Variants in CAST observed in about 807,000 individuals in gnomAD.
The protein encoded by CAST is calpastatin.
A neutral mutation model predicts 119.6 loss-of-function variants in CAST; 76 were observed. The ratio of observed to expected loss-of-function variants is 0.64; its 90% CI spans 0.53 to 0.77. CAST has a LOEUF of 0.77. Among genes scored for constraint, CAST ranks in the 30% least tolerant of loss-of-function variants. CAST has a pLI of 0.00. For missense variants in CAST, 953 were observed against 946.5 expected, an observed-to-expected ratio of 1.01 and a Z score of -0.09; for synonymous variants, 319 against 331.6, an observed-to-expected ratio of 0.96 and a Z score of 0.41.
At chr5:96,470,331 G>A in the CAST span, among the ~76,000 whole-genome samples, 1 of 151,794 alleles carries the variant, frequency 6.6e-6, no homozygotes, top group Admixed American at 6.6e-5. Flanking sequence ...ATGGAATTAT[G>A]GCCAACAATA....
chr5:96,341,461 C>T, the CAST span, among the ~76,000 whole-genome samples: 1 of 151,798 alleles, frequency 6.6e-6, no homozygotes, highest in African/African-American at 2.4e-5. Flanking sequence ...AGGTCAAATT[C>T]GAAATAACAA....
the CAST span, among the ~76,000 whole-genome samples, chr5:96,502,656 C>CT: frequency 6.8e-6 from 1 of 146,344 alleles, no homozygotes; most frequent in Non-Finnish European, 1.5e-5. Flanking sequence ...TTCTTTCTTT[C>CT]TTTCTTTCTT....
chr5:96,283,949 C>T, the CAST span, among the ~76,000 whole-genome samples: 384 of 152,290 alleles, frequency 2.5e-3, no homozygotes, highest in African/African-American at 9.0e-3. Context: ...CCCTTCTCTT[C>T]ACCATGGGTT....
the CAST span, among the ~76,000 whole-genome samples, chr5:96,120,753 CAT>C: frequency 6.8e-6 from 1 of 147,508 alleles, no homozygotes; most frequent in Non-Finnish European, 1.5e-5. Flanking sequence ...AATATACATA[CAT>C]ATATATATAT....
At chr5:96,683,114 C>A (rs1053815444) in intron 2 of CAST, among the ~76,000 whole-genome samples, 1 of 152,172 alleles carries the variant, frequency 6.6e-6, no homozygotes, top group Non-Finnish European at 1.5e-5. Context: ...ATGAAGAGGA[C>A]TCCTACCAAA....
At chr5:96,363,699 T>C in the CAST span, among the ~76,000 whole-genome samples, 2 of 152,222 alleles carry the variant, frequency 1.3e-5, no homozygotes, top group African/African-American at 4.8e-5. Flanking sequence ...TCCTGAGACT[T>C]TGCTGAAGTT....
chr5:96,679,087 C>T (rs1007205238), intron 2 of CAST, among the ~76,000 whole-genome samples: 1 of 151,318 alleles, frequency 6.6e-6, no homozygotes, highest in Non-Finnish European at 1.5e-5. Flanking sequence ...GCAGCTTTGA[C>T]CTCCCCCGCT....
intron 1 of CAST, among the ~76,000 whole-genome samples, chr5:96,557,467 A>C (rs1370913361): frequency 2.0e-5 from 3 of 151,944 alleles, no homozygotes; most frequent in Non-Finnish European, 2.9e-5. Flanking sequence ...GGAAACCCAT[A>C]TCATGTGCCG....
the CAST span, among the ~76,000 whole-genome samples, chr5:96,402,681 CT>C: frequency 6.6e-6 from 1 of 152,138 alleles, no homozygotes; most frequent in Non-Finnish European, 1.5e-5. Context: ...CAGACTCTTG[CT>C]TATGTCATAG....
chr5:96,627,990 G>A (rs553848062), intron 1 of CAST, among the ~76,000 whole-genome samples: 1 of 152,320 alleles, frequency 6.6e-6, no homozygotes, highest in East Asian at 1.9e-4. Context: ...TTCTGTTGTA[G>A]AAACAGAATG....
intron 1 of CAST, among the ~76,000 whole-genome samples, chr5:96,607,498 A>G (rs1747281622): frequency 6.6e-6 from 1 of 152,254 alleles, no homozygotes; most frequent in Non-Finnish European, 1.5e-5. Context: ...AGGAAATCGA[A>G]TATCATCCCT....
chr5:96,270,079 G>A, the CAST span, among the ~76,000 whole-genome samples: 2 of 152,076 alleles, frequency 1.3e-5, no homozygotes, highest in East Asian at 3.8e-4. Flanking sequence ...TGCAAGGATG[G>A]CTCAATATAT....
At chr5:96,217,874 C>T in the CAST span, among the ~76,000 whole-genome samples, 5 of 152,168 alleles carry the variant, frequency 3.3e-5, no homozygotes, top group African/African-American at 1.2e-4. Flanking sequence ...CTTTCCTGAG[C>T]TAGACATTGG....
intron 1 of CAST, among the ~76,000 whole-genome samples, chr5:96,592,014 A>G (rs923054596): frequency 5.9e-5 from 9 of 152,228 alleles, no homozygotes; most frequent in Admixed American, 4.6e-4. Flanking sequence ...AATAGAATAT[A>G]GACCAAATTA....
At chr5:95,966,012 A>G in the CAST span, among the ~76,000 whole-genome samples, 2 of 152,178 alleles carry the variant, frequency 1.3e-5, no homozygotes, top group African/African-American at 2.4e-5. Flanking sequence ...TTTACAAGTC[A>G]TACAAAGGCT....
intron 1 of CAST, among the ~76,000 whole-genome samples, chr5:96,630,080 A>G (rs1747796456): frequency 6.6e-6 from 1 of 152,222 alleles, no homozygotes; most frequent in African/African-American, 2.4e-5. Context: ...ATTCATTCAA[A>G]TAATATTTAT....
At chr5:96,636,584 G>A (rs890617861) in intron 1 of CAST, among the ~76,000 whole-genome samples, 1 of 152,018 alleles carries the variant, frequency 6.6e-6, no homozygotes, top group Admixed American at 6.6e-5. Flanking sequence ...TTAGATTTGT[G>A]CTGCTGATCC....
At chr5:96,646,641 G>T (rs1748017179) in intron 1 of CAST, among the ~76,000 whole-genome samples, 1 of 152,152 alleles carries the variant, frequency 6.6e-6, no homozygotes, top group Non-Finnish European at 1.5e-5. Flanking sequence ...ATTATAAATA[G>T]TGGTTGCCTC....
the CAST span, among the ~76,000 whole-genome samples, chr5:96,480,482 C>T: frequency 6.6e-6 from 1 of 152,152 alleles, no homozygotes; most frequent in South Asian, 2.1e-4. Context: ...AGACCATTGT[C>T]TCAATGGGTC....
Sources: allele counts gnomAD v4.1 joint callset (sites outside exome capture counted in the v4.1 genomes callset), GRCh38; gene constraint gnomAD v4.1.1; transcripts MANE v1.5; gene names NCBI Gene and HGNC (gene_info 2026-07-23, HGNC 2026-07-21).